CAT: variants seen among roughly 807,000 people sequenced by gnomAD.
The protein encoded by CAT is catalase.
In CAT, 43 loss-of-function variants were observed where a neutral mutation model predicts 59.0. That is an observed-to-expected ratio of 0.73 (90% CI 0.57 to 0.94). The LOEUF is 0.94. Among genes scored for constraint, CAT ranks in the 40% least tolerant of loss-of-function variants. The probability of loss-of-function intolerance (pLI) is 0.00; values close to 1 mark genes in which losing one functional copy is unlikely to be tolerated. For missense variants in CAT, 664 were observed against 682.9 expected (o/e 0.97, Z 0.31); for synonymous variants, 218 against 230.9 (o/e 0.94, Z 0.51).
intron 1 of CAT, among the ~76,000 whole-genome samples, chr11:34,442,126 A>G (rs977874752): frequency 6.6e-6 from 1 of 152,204 alleles, no homozygotes; most frequent in Non-Finnish European, 1.5e-5. Context: ...ATCTTTTTAC[A>G]TGCTTATTGA....
intron 8 of CAT, among the ~76,000 whole-genome samples, chr11:34,460,219 A>C (rs1856633092): frequency 6.6e-6 from 1 of 152,240 alleles, no homozygotes; most frequent in Non-Finnish European, 1.5e-5. Flanking sequence ...TGCAGAATTT[A>C]TCATAAAGCT....
At chr11:34,446,950 G>A (rs1856464006) in intron 1 of CAT, among the ~76,000 whole-genome samples, 2 of 152,028 alleles carry the variant, frequency 1.3e-5, no homozygotes, top group African/African-American at 4.8e-5. Flanking sequence ...CTCCATGTTG[G>A]TCAGGCTGGT....
chr11:34,453,746 A>G, intron 5 of CAT, 55 bp from the exon 6 acceptor site: 1 of 1,536,022 alleles, frequency 6.5e-7, no homozygotes, highest in Non-Finnish European at 9.0e-7. Flanking sequence ...CTTAAAAATC[A>G]AGGATGTTTT....
intron 10 of CAT, among the ~76,000 whole-genome samples, chr11:34,465,402 T>C (rs1856703204): frequency 6.6e-6 from 1 of 152,218 alleles, no homozygotes; most frequent in Admixed American, 6.5e-5. Context: ...CTTAAAACAT[T>C]TCCTGCATAC....
intron 1 of CAT, among the ~76,000 whole-genome samples, chr11:34,441,673 A>G (rs1343813789): frequency 3.9e-5 from 6 of 152,214 alleles, no homozygotes; most frequent in African/African-American, 1.2e-4. Flanking sequence ...ACATGCCTGT[A>G]GTCCCAGCTA....
intron 9 of CAT, among the ~76,000 whole-genome samples, chr11:34,462,435 T>C (rs1302671895): frequency 6.6e-6 from 1 of 152,192 alleles, no homozygotes; most frequent in African/African-American, 2.4e-5. Context: ...TATCTATTTA[T>C]TTATTTTTTA....
chr11:34,455,066 C>T (rs1289985725), intron 6 of CAT, among the ~76,000 whole-genome samples: 2 of 152,154 alleles, frequency 1.3e-5, no homozygotes, highest in Non-Finnish European at 2.9e-5. Context: ...TTTTCTAAAC[C>T]TAAAGGATTC....
intron 3 of CAT, 141 bp downstream of exon 3, chr11:34,451,239 A>G (rs1856520969): frequency 2.8e-6 from 2 of 715,096 alleles, no homozygotes; most frequent in South Asian, 1.5e-5. Flanking sequence ...AGTAGAAGAC[A>G]TATTTGGAGA....
chr11:34,444,155 G>C (rs1479553119), intron 1 of CAT, among the ~76,000 whole-genome samples: 1 of 152,216 alleles, frequency 6.6e-6, no homozygotes, highest in Middle Eastern at 3.4e-3. Context: ...TGTGTCTTGC[G>C]TGTTGGCGAG....
intron 9 of CAT, among the ~76,000 whole-genome samples, chr11:34,462,278 TCAAA>T (rs1373442938): frequency 2.0e-5 from 3 of 152,184 alleles, no homozygotes; most frequent in Admixed American, 6.5e-5. Context: ...ATGTCTATAT[TCAAA>T]CAAAGTTTAT....
chr11:34,453,345 T>G, intron 5 of CAT, 151 bp downstream of exon 5: 1 of 724,062 alleles, frequency 1.4e-6, no homozygotes, highest in Non-Finnish European at 2.5e-6. Context: ...GTAACTGGCT[T>G]TACTAATCAT....
chr11:34,449,420 GT>G, intron 2 of CAT, 57 bp downstream of exon 2: 5 of 1,480,716 alleles, frequency 3.4e-6, no homozygotes, highest in Non-Finnish European at 4.7e-6. Context: ...TGGGTCAAGT[GT>G]TATTTCCCAA....
chr11:34,453,004 A>G (rs1189294330), intron 4 of CAT, 86 bp from the exon 5 acceptor site: 1 of 803,160 alleles, frequency 1.2e-6, no homozygotes, highest in Non-Finnish European at 2.2e-6. Context: ...TAATCCATAA[A>G]CCTAGTAATA....
chr11:34,463,856 A>C (rs1033116255), intron 9 of CAT, among the ~76,000 whole-genome samples: 10 of 152,208 alleles, frequency 6.6e-5, no homozygotes, highest in African/African-American at 2.2e-4. Context: ...AGGGACTTTG[A>C]GATTCATTCA....
At chr11:34,461,175 A>G (rs1742993507) in intron 8 of CAT, 76 bp from the exon 9 acceptor site, 5 of 1,510,776 alleles carry the variant, frequency 3.3e-6, no homozygotes, top group Admixed American at 1.7e-5. Context: ...TTCAAATTTC[A>G]GAATGAAGTT....
At chr11:34,469,341 C>G (rs974108603) in intron 11 of CAT, among the ~76,000 whole-genome samples, 1 of 152,070 alleles carries the variant, frequency 6.6e-6, no homozygotes, top group Non-Finnish European at 1.5e-5. Context: ...AGAATGGATA[C>G]GACAGCTTGT....
chr11:34,456,801 C>A lies in CAT; in HGVS notation c.1040C>A (p.Pro347His), dbSNP rs768685531. ...ATGCCACCTGGCATTGAGGCCAGTC[C>A]TGACAAAATGCTTCAGGTGAGCCTG... ...SNMPPGIEAS[P>H]DKMLQGRLFA... The change falls in exon 8 of 13, where the codon CCT becomes CAT. Residue 347 changes from proline (P) to histidine (H), a missense_variant. Pro to His is a moderately conservative substitution (Grantham distance 77). Transcript: ENST00000241052. 3 of 1,614,084 alleles carry A rather than the reference C, an allele frequency of 1.9e-6. No homozygotes were observed. The African/African-American group carries it at 4.0e-5, about 22-fold the overall frequency.
intron 10 of CAT, 23 bp downstream of exon 10, chr11:34,464,258 T>A: frequency 6.2e-7 from 1 of 1,610,772 alleles, no homozygotes; most frequent in Non-Finnish European, 8.5e-7. Flanking sequence ...CTTTATCTGC[T>A]ATGGAAGTCA....
intron 1 of CAT, among the ~76,000 whole-genome samples, chr11:34,442,832 C>T (rs1856407374): frequency 6.6e-6 from 1 of 152,112 alleles, no homozygotes; most frequent in South Asian, 2.1e-4. Flanking sequence ...TCCAGGGTCA[C>T]TGCCACTTAC....
Sources: gnomAD v4.1 joint callset for allele counts (sites outside exome capture counted in the v4.1 genomes callset) on GRCh38, gnomAD v4.1.1 for gene constraint, MANE v1.5 for transcripts, NCBI Gene and HGNC (gene_info 2026-07-23, HGNC 2026-07-21) for gene names.